Variants in PDLIM5 observed in about 807,000 individuals in gnomAD.
PDLIM5 encodes PDZ and LIM domain protein 5.
In PDLIM5, 34 loss-of-function variants were observed where a neutral mutation model predicts 64.2. That is an observed-to-expected ratio of 0.53 (90% CI 0.40 to 0.71). The LOEUF (loss-of-function observed/expected upper bound fraction) is 0.71. PDLIM5 is among the 30% of genes least tolerant of loss of function. The pLI, the probability that PDLIM5 is intolerant of heterozygous loss-of-function variation, is 0.00. For synonymous variants in PDLIM5, 253 were observed against 269.1 expected (o/e 0.94, Z 0.59); for missense variants, 683 against 733.6 (o/e 0.93, Z 0.80).
chr4:94,522,871 T>TA (rs1249982253), intron 2 of PDLIM5, among the ~76,000 whole-genome samples: 1 of 152,208 alleles, frequency 6.6e-6, no homozygotes, highest in Non-Finnish European at 1.5e-5. Context: ...TACTTATACT[T>TA]ACTGAATGCT....
chr4:94,660,671 A>G (rs1005968039), intron 11 of PDLIM5, among the ~76,000 whole-genome samples: 2 of 152,170 alleles, frequency 1.3e-5, no homozygotes, highest in African/African-American at 4.8e-5. Flanking sequence ...TGCCTGGCAC[A>G]CAGTAGACTG....
At chr4:94,615,535 G>A (rs769496729) in intron 7 of PDLIM5, among the ~76,000 whole-genome samples, 1 of 152,168 alleles carries the variant, frequency 6.6e-6, no homozygotes, top group Non-Finnish European at 1.5e-5. Flanking sequence ...AGGTAGAATT[G>A]TGGACGACAG....
intron 2 of PDLIM5, among the ~76,000 whole-genome samples, chr4:94,502,733 C>G (rs568520823): frequency 6.6e-6 from 1 of 152,010 alleles, no homozygotes; most frequent in Admixed American, 6.6e-5. Context: ...AAAAATTAGC[C>G]GGGCGGGGTG....
At position 94,568,272 on chromosome 4, in the gene PDLIM5, C is replaced by G. The variant is rs902832591; in HGVS notation, c.249-5079C>G. ...TCACTTATTTAGGTTTTGTCTGTGT[C>G]TTTCTACAGTGACAGAGCTGAATAG... On this transcript the variant is annotated intron_variant, in intron 3 of 12. Transcript: ENST00000317968. Among the ~76,000 whole-genome samples, 10 of 152,182 alleles carry G rather than the reference C, an allele frequency of 6.6e-5. No individual in the cohort carries two copies. In the East Asian group the frequency reaches 1.9e-3, roughly 29 times the overall value.
chr4:94,560,822 G>A (rs1578377537), intron 3 of PDLIM5, among the ~76,000 whole-genome samples: 2 of 152,244 alleles, frequency 1.3e-5, no homozygotes, highest in South Asian at 2.1e-4. Context: ...CACCTCCCGG[G>A]TTCACGCCAT....
chr4:94,552,061 A>G (rs1230655799), intron 3 of PDLIM5, among the ~76,000 whole-genome samples: 1 of 152,196 alleles, frequency 6.6e-6, no homozygotes, highest in African/African-American at 2.4e-5. Context: ...CTTAATCACT[A>G]TTCTCAATAG....
In PDLIM5 at chr4:94,550,770, GTTTTA is replaced by G. The variant is rs1242584506; in HGVS notation, c.249-22576_249-22572del. 5.3e-5 allele frequency among the ~76,000 whole-genome samples: 8 copies of G among 152,130 alleles called. No individual in the cohort carries two copies. The South Asian group carries it at 1.2e-3, about 24-fold the overall frequency. ...GTTCTGATGTCTGCAATTAATGATG[GTTTTA>G]TTTTTCATATTGAAAATTACTTATC... On this transcript the variant is annotated intron_variant, in intron 3 of 12. Coordinates refer to ENST00000317968, the MANE Select transcript of PDLIM5 (RefSeq NM_006457.5).
At chr4:94,595,959 G>C (rs1737038983) in intron 7 of PDLIM5, among the ~76,000 whole-genome samples, 1 of 152,114 alleles carries the variant, frequency 6.6e-6, no homozygotes. Flanking sequence ...TCAAAAAATG[G>C]TGTATATGAT....
At chr4:94,535,067 G>C (rs1731202104) in intron 3 of PDLIM5, among the ~76,000 whole-genome samples, 2 of 152,202 alleles carry the variant, frequency 1.3e-5, no homozygotes, top group South Asian at 4.1e-4. Flanking sequence ...ACATTTTCAG[G>C]ACCATATTTT....
intron 2 of PDLIM5, among the ~76,000 whole-genome samples, chr4:94,481,785 A>G (rs577421727): frequency 1.0e-4 from 15 of 150,302 alleles, no homozygotes; most frequent in Non-Finnish European, 1.5e-4. Context: ...ATTTTTTTGT[A>G]TTTTTAGTAG....
intron 2 of PDLIM5, among the ~76,000 whole-genome samples, chr4:94,516,682 C>A (rs1215660491): frequency 6.6e-6 from 1 of 152,028 alleles, no homozygotes; most frequent in Non-Finnish European, 1.5e-5. Flanking sequence ...AGATGGCACA[C>A]ACCATGCCCA....
At chr4:94,514,616 ATTAG>A (rs1452416122) in intron 2 of PDLIM5, among the ~76,000 whole-genome samples, 1 of 152,134 alleles carries the variant, frequency 6.6e-6, no homozygotes, top group Non-Finnish European at 1.5e-5. Flanking sequence ...GTAGGATTGT[ATTAG>A]TTCTTCAGAT....
At chr4:94,622,780 C>T (rs546435559) in intron 8 of PDLIM5, among the ~76,000 whole-genome samples, 1 of 152,186 alleles carries the variant, frequency 6.6e-6, no homozygotes, top group African/African-American at 2.4e-5. Flanking sequence ...AAGTGATTCT[C>T]CTGCCTTAGC....
intron 3 of PDLIM5, among the ~76,000 whole-genome samples, chr4:94,569,837 T>C (rs1185567802): frequency 1.3e-5 from 2 of 152,218 alleles, no homozygotes; most frequent in Non-Finnish European, 2.9e-5. Context: ...CAAAATGCTT[T>C]CTTTCTTAGT....
chr4:94,532,415 G>A (rs955574362), intron 3 of PDLIM5, among the ~76,000 whole-genome samples: 8 of 152,194 alleles, frequency 5.3e-5, no homozygotes, highest in Admixed American at 1.3e-4. Context: ...AGCCGCCTAA[G>A]CTTCTACAGC....
At chr4:94,636,790 C>T (rs918883250) in intron 8 of PDLIM5, among the ~76,000 whole-genome samples, 12 of 152,102 alleles carry the variant, frequency 7.9e-5, no homozygotes, top group African/African-American at 2.9e-4. Flanking sequence ...CCGCCTCGGC[C>T]TCCCAAAGTG....
chr4:94,665,501 AAAAAAGAG>A lies in PDLIM5; in HGVS notation c.*1436_*1443del. Reference sequence around the variant, plus strand: ...GCTCTTAAAAAAAAAAAAAAAAAAAAAAAAAGAGAGAGAGAGAATAAATAGAAAAGAAT... The same window carrying A: ...GCTCTTAAAAAAAAAAAAAAAAAAAAAGAGAGAGAATAAATAGAAAAGAAT... On this transcript the variant is annotated 3_prime_UTR_variant, in exon 13 of 13. Transcript: ENST00000317968. The A allele has an allele frequency of 1.3e-5, 10 of 788,978 alleles. No individual in the cohort carries two copies. The highest frequency in any genetic ancestry group is 1.5e-5 in the Non-Finnish European group (10 of 656,516). 48.9% of individuals were successfully genotyped at this position (788,978 alleles called of 1,614,324 possible).
chr4:94,559,479 C>T (rs1313466287), intron 3 of PDLIM5, among the ~76,000 whole-genome samples: 1 of 152,148 alleles, frequency 6.6e-6, no homozygotes, highest in East Asian at 1.9e-4. Flanking sequence ...ATCTTGTTTT[C>T]ATTGGAACAC....
At chr4:94,601,521 G>A (rs1417390136) in intron 7 of PDLIM5, among the ~76,000 whole-genome samples, 1 of 151,982 alleles carries the variant, frequency 6.6e-6, no homozygotes, top group Admixed American at 6.6e-5. Context: ...TAAGTAAGTG[G>A]GAAGCTCCTA....
Sources: allele counts gnomAD v4.1 joint callset (sites outside exome capture counted in the v4.1 genomes callset), GRCh38; gene constraint gnomAD v4.1.1; transcripts MANE v1.5; gene names NCBI Gene and HGNC (gene_info 2026-07-23, HGNC 2026-07-21).